Variants in SEC24A observed in about 807,000 individuals in gnomAD.
SEC24A encodes SEC24 homolog A, COPII component.
Under a neutral mutation model 129.4 loss-of-function variants are expected in SEC24A, and 93 were observed. The ratio of observed to expected loss-of-function variants is 0.72; its 90% CI spans 0.61 to 0.85. The LOEUF is 0.85. Among genes scored for constraint, SEC24A ranks in the 40% least tolerant of loss-of-function variants. SEC24A has a pLI of 0.00. For missense variants in SEC24A, 1,264 were observed against 1,307.4 expected (o/e 0.97, Z 0.51); for synonymous variants, 460 against 467.3 (o/e 0.98, Z 0.20).
At chr5:134,683,350 T>A (rs1459427902) in intron 9 of SEC24A, among the ~76,000 whole-genome samples, 1 of 152,016 alleles carries the variant, frequency 6.6e-6, no homozygotes, top group African/African-American at 2.4e-5. Flanking sequence ...TACAGTCAGT[T>A]TTTTTTTCCC....
intron 1 of SEC24A, among the ~76,000 whole-genome samples, chr5:134,657,107 C>G (rs1325265210): frequency 6.6e-6 from 1 of 151,404 alleles, no homozygotes; most frequent in Non-Finnish European, 1.5e-5. Flanking sequence ...ATCGCTTGAG[C>G]TTGGGAGGTC....
intron 1 of SEC24A, among the ~76,000 whole-genome samples, chr5:134,656,735 C>T (rs1344999126): frequency 1.3e-5 from 2 of 151,490 alleles, no homozygotes; most frequent in African/African-American, 2.4e-5. Flanking sequence ...CCACCTCGGC[C>T]TCCCAAAGTG....
chr5:134,705,040 A>G (rs1470969661), intron 16 of SEC24A, among the ~76,000 whole-genome samples: 1 of 148,126 alleles, frequency 6.8e-6, no homozygotes, highest in African/African-American at 2.5e-5. Context: ...ACCTGGTTCT[A>G]AATCGAAAAG....
intron 11 of SEC24A, among the ~76,000 whole-genome samples, chr5:134,690,218 C>T (rs923757539): frequency 2.0e-5 from 3 of 152,178 alleles, no homozygotes; most frequent in Non-Finnish European, 2.9e-5. Context: ...CAAGGTCTTA[C>T]CGTGTTAGCC....
intron 2 of SEC24A, 87 bp from the exon 3 acceptor site, chr5:134,666,736 T>G: frequency 2.0e-6 from 2 of 989,640 alleles, no homozygotes. Flanking sequence ...AATGTAAGTT[T>G]GGAAGTTACT....
chr5:134,722,024 CAATT>C (rs1399895778), intron 21 of SEC24A, among the ~76,000 whole-genome samples: 3 of 152,098 alleles, frequency 2.0e-5, no homozygotes, highest in Non-Finnish European at 4.4e-5. Context: ...CTGAACGAAT[CAATT>C]AATTCTTGAC....
intron 16 of SEC24A, among the ~76,000 whole-genome samples, chr5:134,705,090 A>ATATATATATATATATATATATATATATAT (rs1180461537): frequency 8.1e-6 from 1 of 123,298 alleles, no homozygotes; most frequent in Non-Finnish European, 1.7e-5. Flanking sequence ...ATATATATAT[A>ATATATATATATATATATATATATATATAT]TTTTTTTTTT....
intron 16 of SEC24A, among the ~76,000 whole-genome samples, chr5:134,705,070 T>TTTTATATATATATATATATATA (rs1554141294): frequency 7.5e-6 from 1 of 133,350 alleles, no homozygotes; most frequent in Non-Finnish European, 1.6e-5. Context: ...ATATTTATAT[T>TTTTATATATATATATATATATA]TATATATATA....
At chr5:134,680,203 G>A (rs1751216805) in intron 8 of SEC24A, among the ~76,000 whole-genome samples, 1 of 152,172 alleles carries the variant, frequency 6.6e-6, no homozygotes, top group Non-Finnish European at 1.5e-5. Flanking sequence ...CAATAACTAT[G>A]TCACAGTTTT....
rs1276789278 is a variant in SEC24A at position 134,726,413 on chromosome 5, T to C, written c.*1319T>C. On this transcript the variant is annotated 3_prime_UTR_variant, in exon 23 of 23. Coordinates refer to ENST00000398844, the MANE Select transcript of SEC24A (RefSeq NM_021982.3). ...AAATATTTTTGGGTTTTTTGTTTTG[T>C]TTTAATGGGTTAGAAAATGTTTACA... The C allele has an allele frequency of 1.3e-5, 2 of 152,596 alleles. No individual in the cohort carries two copies. Among genetic ancestry groups the C allele is most frequent in the Non-Finnish European group, 2.9e-5 (2 of 67,990 alleles). The allele number at this position is 152,596 out of a possible 1,614,324, so 9.5% of individuals were successfully genotyped here.
intron 3 of SEC24A, among the ~76,000 whole-genome samples, chr5:134,668,974 A>T (rs915203748): frequency 6.6e-6 from 1 of 150,898 alleles, no homozygotes; most frequent in African/African-American, 2.4e-5. Flanking sequence ...TGGGAGACTG[A>T]GGCAGGAGAA....
At chr5:134,668,704 T>C (rs1750751227) in intron 3 of SEC24A, among the ~76,000 whole-genome samples, 1 of 149,624 alleles carries the variant, frequency 6.7e-6, no homozygotes, top group Admixed American at 6.7e-5. Flanking sequence ...CCAGCCTGGG[T>C]GACAAGAGCA....
chr5:134,654,457 T>C (rs1285481855), intron 1 of SEC24A, among the ~76,000 whole-genome samples: 7 of 152,124 alleles, frequency 4.6e-5, no homozygotes, highest in Admixed American at 4.6e-4. Flanking sequence ...CCTGACCTCG[T>C]GATCTGCCTG....
intron 11 of SEC24A, among the ~76,000 whole-genome samples, chr5:134,692,124 A>G (rs976440141): frequency 6.8e-6 from 1 of 148,012 alleles, no homozygotes. Flanking sequence ...CAGTGGTGCA[A>G]TCTTGGCTCA....
Position 134,688,251 on chromosome 5 carries a change from C to T in SEC24A, c.1675C>T (p.Gln559Ter). The T allele has an allele frequency of 6.2e-7, 1 of 1,612,140 alleles. No individual in the cohort carries two copies. The highest frequency in any genetic ancestry group is 8.5e-7 in the Non-Finnish European group (1 of 1,178,370). Residue 559 changes from glutamine (Q) to a stop codon, truncating the protein, a stop_gained, in exon 11 of 23, where the codon CAG becomes TAG. Transcript: ENST00000398844. LOFTEE classifies it high-confidence loss of function. Reference sequence around the variant, plus strand: ...CAGTACAATCCATTTCTACGGTCTTCAGGAAAGTCTCTCTCAACCTCAGAT... The same window carrying T: ...CAGTACAATCCATTTCTACGGTCTTTAGGAAAGTCTCTCTCAACCTCAGAT... ...FDSTIHFYGL[Q>*]ESLSQPQMLI...
intron 1 of SEC24A, among the ~76,000 whole-genome samples, chr5:134,659,196 C>T (rs983948659): frequency 6.6e-6 from 1 of 151,610 alleles, no homozygotes; most frequent in African/African-American, 2.4e-5. Flanking sequence ...CTCAGCCTCC[C>T]GAGTAGCTGG....
At chr5:134,690,039 A>G (rs1051209339) in intron 11 of SEC24A, among the ~76,000 whole-genome samples, 9 of 151,744 alleles carry the variant, frequency 5.9e-5, no homozygotes, top group Non-Finnish European at 1.3e-4. Context: ...TTTTTTTGAG[A>G]TGGAGTTTCA....
In SEC24A at chr5:134,675,059, TAATC is replaced by T; in HGVS notation, c.995_998del (p.Asn332IlefsTer2). Reference sequence around the variant, plus strand: ...TGTATCTGTAGACTCCCTTAGGTGCTAATCATTTAACCACAAGCATGAGTGGATT... The same window carrying T: ...TGTATCTGTAGACTCCCTTAGGTGCTATTTAACCACAAGCATGAGTGGATT... On this transcript the variant is annotated frameshift_variant, in exon 6 of 23. Coordinates refer to ENST00000398844, the MANE Select transcript of SEC24A (RefSeq NM_021982.3). LOFTEE classifies it high-confidence loss of function. 1 of 1,602,498 alleles carries T rather than the reference TAATC, an allele frequency of 6.2e-7. No individual in the cohort carries two copies. The highest frequency in any genetic ancestry group is 8.5e-7 in the Non-Finnish European group (1 of 1,171,930).
intron 7 of SEC24A, among the ~76,000 whole-genome samples, chr5:134,679,047 A>G (rs1313481611): frequency 6.6e-6 from 1 of 151,718 alleles, no homozygotes; most frequent in Non-Finnish European, 1.5e-5. Flanking sequence ...TTGCAATATG[A>G]GTGTTTAATG....
Sources: gnomAD v4.1 joint callset for allele counts (sites outside exome capture counted in the v4.1 genomes callset) on GRCh38, gnomAD v4.1.1 for gene constraint, MANE v1.5 for transcripts, NCBI Gene and HGNC (gene_info 2026-07-23, HGNC 2026-07-21) for gene names.